The following AGBL1 variants were observed in gnomAD, a reference collection of about 807,000 sequenced individuals.
AGBL1 encodes cytosolic carboxypeptidase 4.
A neutral mutation model predicts 118.9 loss-of-function variants in AGBL1; 130 were observed. The observed-to-expected ratio is 1.09, with a 90% CI of 0.95 to 1.26. AGBL1 has a LOEUF of 1.26. Among genes scored for constraint, AGBL1 ranks in the 50% most tolerant of loss-of-function variants. The pLI, the probability that AGBL1 is intolerant of heterozygous loss-of-function variation, is 0.00. For missense variants in AGBL1, 1,584 were observed against 1,298.1 expected (o/e 1.22, Z -3.38); for synonymous variants, 555 against 478.9 (o/e 1.16, Z -2.08).
intron 21 of AGBL1, among the ~76,000 whole-genome samples, chr15:86,568,317 T>C (rs1164457468): frequency 1.3e-5 from 2 of 152,154 alleles, no homozygotes; most frequent in Non-Finnish European, 2.9e-5. Context: ...AGAATACCTG[T>C]ATTTCTAAAG....
intron 22 of AGBL1, among the ~76,000 whole-genome samples, chr15:86,687,465 C>A (rs771868280): frequency 3.9e-5 from 6 of 152,102 alleles, no homozygotes; most frequent in Non-Finnish European, 7.4e-5. Flanking sequence ...CTTCTGCTTC[C>A]AAATCCAACA....
At chr15:86,194,021 C>T (rs1285941909) in intron 5 of AGBL1, among the ~76,000 whole-genome samples, 2 of 152,168 alleles carry the variant, frequency 1.3e-5, no homozygotes, top group African/African-American at 2.4e-5. Flanking sequence ...CATACATTCT[C>T]CTGTGAGGAA....
At chr15:86,756,871 A>G (rs1255506168) in intron 22 of AGBL1, among the ~76,000 whole-genome samples, 1 of 151,988 alleles carries the variant, frequency 6.6e-6, no homozygotes, top group Non-Finnish European at 1.5e-5. Flanking sequence ...AAGGAAGAAT[A>G]TTGACAGTTC....
At chr15:87,028,848 C>G (rs1325194392) in exon 25 of AGBL1, 1 of 1,603,778 alleles carries the variant, frequency 6.2e-7, no homozygotes, top group Non-Finnish European at 8.5e-7. Flanking sequence ...TGATGAGGCT[C>G]CCTTCAAATG....
chr15:86,235,195 A>G (rs185426803), intron 6 of AGBL1, among the ~76,000 whole-genome samples: 1 of 152,226 alleles, frequency 6.6e-6, no homozygotes, highest in Admixed American at 6.5e-5. Flanking sequence ...TTTTATTCTT[A>G]TTTCTTAAGC....
chr15:86,740,234 C>G (rs1467916234), intron 22 of AGBL1, among the ~76,000 whole-genome samples: 1 of 152,228 alleles, frequency 6.6e-6, no homozygotes, highest in Admixed American at 6.5e-5. Context: ...GTTTCCCTAG[C>G]ATCCCCATAC....
At chr15:86,959,638 T>C (rs2080971589) in intron 23 of AGBL1, among the ~76,000 whole-genome samples, 2 of 152,076 alleles carry the variant, frequency 1.3e-5, no homozygotes, top group Admixed American at 1.3e-4. Flanking sequence ...AACTGGTAAA[T>C]CTACTCTGTT....
At chr15:86,255,710 A>G (rs2078884445) in intron 7 of AGBL1, among the ~76,000 whole-genome samples, 2 of 151,920 alleles carry the variant, frequency 1.3e-5, no homozygotes, top group Non-Finnish European at 2.9e-5. Context: ...TGAACCCGGG[A>G]GGTGGAGGTT....
chr15:86,692,327 A>G (rs908653791), intron 22 of AGBL1, among the ~76,000 whole-genome samples: 3 of 152,160 alleles, frequency 2.0e-5, no homozygotes, highest in Non-Finnish European at 4.4e-5. Context: ...AACTCTTTAC[A>G]AAGCAAGATC....
At chr15:86,815,234 T>C (rs1225302135) in intron 22 of AGBL1, among the ~76,000 whole-genome samples, 2 of 152,164 alleles carry the variant, frequency 1.3e-5, no homozygotes, top group African/African-American at 4.8e-5. Context: ...ATGTATTAGA[T>C]GATTTAGGAG....
At chr15:86,092,714 A>G (rs949193501) in intron 1 of AGBL1, among the ~76,000 whole-genome samples, 2 of 152,260 alleles carry the variant, frequency 1.3e-5, no homozygotes, top group East Asian at 3.9e-4. Flanking sequence ...AGGGGCTGGC[A>G]TCTGACCAGG....
rs545433994 is a variant in AGBL1 at position 86,637,401 on chromosome 15, A to G, written c.2995-36872A>G. On this transcript the variant is annotated intron_variant, in intron 21 of 22. Transcript: ENST00000614907. ...ACACAAATGAGAAAGGCACTAAGGA[A>G]GAAGATAGCTTGATGAGCTTGAAGA... 4.6e-5 allele frequency among the ~76,000 whole-genome samples: 7 copies of G among 152,214 alleles called. No individual in the cohort carries two copies. The East Asian group carries it at 1.4e-3, about 29-fold the overall frequency.
At chr15:86,684,881 C>G (rs186122416) in intron 22 of AGBL1, among the ~76,000 whole-genome samples, 5 of 152,198 alleles carry the variant, frequency 3.3e-5, no homozygotes, top group African/African-American at 1.2e-4. Flanking sequence ...ATACAAAAGG[C>G]AAAGCAGTTG....
chr15:86,235,354 C>T (rs545037426), intron 6 of AGBL1, among the ~76,000 whole-genome samples: 11 of 152,294 alleles, frequency 7.2e-5, no homozygotes, highest in African/African-American at 2.6e-4. Flanking sequence ...TTGAACCCTG[C>T]TCAATCAATC....
At chr15:86,688,039 G>C (rs2086093279) in intron 22 of AGBL1, among the ~76,000 whole-genome samples, 1 of 152,122 alleles carries the variant, frequency 6.6e-6, no homozygotes, top group African/African-American at 2.4e-5. Flanking sequence ...AACAGGGCAT[G>C]AAATGAGAAC....
At chr15:86,564,855 T>C (rs906824311) in intron 21 of AGBL1, among the ~76,000 whole-genome samples, 2 of 152,210 alleles carry the variant, frequency 1.3e-5, no homozygotes, top group Non-Finnish European at 2.9e-5. Flanking sequence ...TCTCTAAACT[T>C]CTCTTCTCCC....
intron 5 of AGBL1, among the ~76,000 whole-genome samples, chr15:86,216,883 C>T (rs1433219984): frequency 3.3e-5 from 5 of 152,176 alleles, no homozygotes; most frequent in Admixed American, 3.3e-4. Context: ...CAGCCCTGCC[C>T]ATCTCACTGT....
chr15:86,874,759 T>A (rs960667969), intron 22 of AGBL1, among the ~76,000 whole-genome samples: 4 of 152,200 alleles, frequency 2.6e-5, no homozygotes, highest in African/African-American at 9.7e-5. Context: ...TATGAGTACT[T>A]TTTATGCAGT....
intron 21 of AGBL1, among the ~76,000 whole-genome samples, chr15:86,601,877 G>A (rs1399663596): frequency 1.3e-5 from 2 of 152,110 alleles, no homozygotes. Flanking sequence ...TGTGCCTAAA[G>A]TCACATAGCT....
Sources: gnomAD v4.1 joint callset for allele counts (sites outside exome capture counted in the v4.1 genomes callset) on GRCh38, gnomAD v4.1.1 for gene constraint, MANE v1.5 for transcripts, NCBI Gene and HGNC (gene_info 2026-07-23, HGNC 2026-07-21) for gene names.